The following IRF1 variants were observed in gnomAD, a reference collection of about 807,000 sequenced individuals.
IRF1 encodes interferon regulatory factor 1, also known as interferon regulatory factor-1.
A neutral mutation model predicts 43.7 loss-of-function variants in IRF1; 13 were observed. The observed-to-expected ratio is 0.30, with a 90% CI of 0.19 to 0.47. The LOEUF is 0.47. Ranked by LOEUF, IRF1 falls within the 20% of genes least tolerant of loss-of-function variation. The pLI is 0.99. For synonymous variants in IRF1, 138 were observed against 146.8 expected, an observed-to-expected ratio of 0.94 and a Z score of 0.43; for missense variants, 236 against 408.9, an observed-to-expected ratio of 0.58 and a Z score of 3.65.
At position 132,486,694 on chromosome 5, in the gene IRF1, G is replaced by A; in HGVS notation, c.415-8C>T. 6.2e-7 allele frequency: 1 copy of A among 1,613,842 alleles called. No homozygotes were observed. The highest frequency in any genetic ancestry group is 8.5e-7 in the Non-Finnish European group (1 of 1,179,736). On this transcript the variant is annotated splice_region_variant and splice_polypyrimidine_tract_variant and intron_variant, in intron 5 of 9. Coordinates refer to ENST00000245414, the MANE Select transcript of IRF1 (RefSeq NM_002198.3). ...GCTGGAATCCCCACATGACTGTCGA[G>A]GGAGAAAGCAGCTTAGGCCCAGGCC...
chr5:132,486,125 G>A lies in IRF1; in HGVS notation c.667+126C>T, dbSNP rs545097507. The A allele has an allele frequency of 1.1e-5, 15 of 1,330,826 alleles. No individual in the cohort carries two copies. In the East Asian group the frequency reaches 3.2e-4, roughly 29 times the overall value. 82.4% of individuals were successfully genotyped at this position (1,330,826 alleles called of 1,614,324 possible). A position where few individuals can be genotyped will look rare whatever the true frequency, so the allele number is the denominator to read the frequency against. ...GCTTGCCTCCCCCTATGGTGGCTAA[G>A]ACTGGGCAATGCCCAACTCAATCAA... On this transcript the variant is annotated intron_variant, in intron 7 of 9. Transcript: ENST00000245414.
Position 132,483,888 on chromosome 5 carries a change from C to A in IRF1, c.*63G>T. ...CCCACAGAAGTCCAGCTTCTCTGCA[C>A]CATATCCACCATGATGCCAGGTCCT... On this transcript the variant is annotated 3_prime_UTR_variant, in exon 10 of 10. Transcript: ENST00000245414. 1 of 1,595,478 alleles carries A rather than the reference C, an allele frequency of 6.3e-7. No individual in the cohort carries two copies. Among genetic ancestry groups the A allele is most frequent in the African/African-American group, 1.3e-5 (1 of 74,622 alleles).
chr5:132,489,349 T>C, intron 2 of IRF1, 43 bp downstream of exon 2: 1 of 1,430,542 alleles, frequency 7.0e-7, no homozygotes, highest in Non-Finnish European at 9.9e-7. Flanking sequence ...CAGAAGTACA[T>C]GGGTTAAAAC....
Position 132,483,779 on chromosome 5 carries a change from C to T in IRF1, c.*172G>A, listed in dbSNP as rs1754447619. The T allele has an allele frequency of 1.4e-6, 1 of 732,084 alleles. No individual in the cohort carries two copies. Among genetic ancestry groups the T allele is most frequent in the South Asian group, 2.0e-5 (1 of 51,148 alleles). 45.3% of individuals were successfully genotyped at this position (732,084 alleles called of 1,614,324 possible). A position where few individuals can be genotyped will look rare whatever the true frequency, so the allele number is the denominator to read the frequency against. The stretch of plus-strand genomic sequence containing the variant: ...CCACAAGAAAAACCCAGACACTGGC[C>T]TGCCAGGCCCTGAGAGGTCAATGAC... On this transcript the variant is annotated 3_prime_UTR_variant, in exon 10 of 10. Coordinates refer to ENST00000245414, the MANE Select transcript of IRF1 (RefSeq NM_002198.3).
rs1754436896 is a variant in IRF1 at position 132,483,376 on chromosome 5, C to T, written c.*575G>A. On this transcript the variant is annotated 3_prime_UTR_variant, in exon 10 of 10. Coordinates refer to ENST00000245414, the MANE Select transcript of IRF1 (RefSeq NM_002198.3). ...ACGAAAAAGTGCCAAGTTTTTTTCC[C>T]AAGCCCCTCAGCCAAAGCAGGGAGC... 6.5e-6 allele frequency: 1 copy of T among 152,838 alleles called. No individual in the cohort carries two copies. The highest frequency in any genetic ancestry group is 2.0e-4 in the South Asian group (1 of 4,884). 9.5% of individuals were successfully genotyped at this position (152,838 alleles called of 1,614,324 possible). A position where few individuals can be genotyped will look rare whatever the true frequency, so the allele number is the denominator to read the frequency against.
rs1284656337 is a variant in IRF1 at position 132,490,568 on chromosome 5, G to T, written c.-29C>A. The T allele has an allele frequency of 2.0e-5, 3 of 152,176 alleles. No homozygotes were observed. The highest frequency in any genetic ancestry group is 1.9e-4 in the East Asian group (1 of 5,184). The allele number at this position is 152,176 out of a possible 1,614,324, so 9.4% of individuals were successfully genotyped here. A position where few individuals can be genotyped will look rare whatever the true frequency, so the allele number is the denominator to read the frequency against. On this transcript the variant is annotated 5_prime_UTR_variant, in exon 1 of 10. Transcript: ENST00000245414. This position sits in a 1 kb window ranked among gnomAD's most constrained non-coding sequence, Gnocchi z 5.8. ...ACCTCTGCTGCAGGAGCGATTCGGC[G>T]GTCGCGCGCGAGGGTCCCGGCGACG...
chr5:132,485,545 A>G, intron 8 of IRF1, 122 bp downstream of exon 8: 2 of 827,230 alleles, frequency 2.4e-6, no homozygotes, highest in Non-Finnish European at 4.3e-6. Context: ...CACTTGTGGG[A>G]CAATGCAAGC....
At chr5:132,489,814 C>T (rs1379074694) in intron 1 of IRF1, among the ~76,000 whole-genome samples, 1 of 152,196 alleles carries the variant, frequency 6.6e-6, no homozygotes, top group Non-Finnish European at 1.5e-5. Context: ...GCTCAAAATT[C>T]AAATCCTTTG....
chr5:132,485,725 G>C lies in IRF1; in HGVS notation c.668-9C>G, dbSNP rs1754501803. 6.2e-7 allele frequency: 1 copy of C among 1,609,560 alleles called. No homozygotes were observed. Among genetic ancestry groups the C allele is most frequent in the Non-Finnish European group, 8.5e-7 (1 of 1,177,178 alleles). On this transcript the variant is annotated splice_polypyrimidine_tract_variant and intron_variant, in intron 7 of 9. Transcript: ENST00000245414. ...ATCCTCATCTGTTGTAGCTGTGGATGGGGAAAGCAGAGAGGTTGGCTGGCA... is the reference window on the plus strand; with the variant it reads ...ATCCTCATCTGTTGTAGCTGTGGATCGGGAAAGCAGAGAGGTTGGCTGGCA...
chr5:132,484,374 C>A lies in IRF1; in HGVS notation c.841G>T (p.Asp281Tyr). 1 of 1,614,116 alleles carries A rather than the reference C, an allele frequency of 6.2e-7. No individual in the cohort carries two copies. Among genetic ancestry groups the A allele is most frequent in the South Asian group, 1.1e-5 (1 of 91,070 alleles). Reference protein sequence around the residue: ...DFSCKEEPEIDSPGGDIGLSL... With the variant: ...DFSCKEEPEIYSPGGDIGLSL... The stretch of plus-strand genomic sequence containing the variant: ...AGGGCCTTCTTACCCCCTGGGCTGT[C>A]AATTTCTGGCTCCTCCTTACAGCTA... The change falls in exon 9 of 10, where the codon GAC becomes TAC. Residue 281 changes from aspartate to tyrosine, a missense_variant. Coordinates refer to ENST00000245414, the MANE Select transcript of IRF1 (RefSeq NM_002198.3).
chr5:132,486,432 C>T (rs751734621), intron 6 of IRF1, 59 bp from the exon 7 acceptor site: 14 of 1,609,310 alleles, frequency 8.7e-6, no homozygotes, highest in African/African-American at 2.7e-5. Context: ...TGCAAGACAT[C>T]GAGCGCCCTC....
rs1388450160 is a variant in IRF1 at position 132,487,922 on chromosome 5, A to G, written c.187+4T>C. On this transcript the variant is annotated splice_donor_region_variant and intron_variant, in intron 3 of 9. Coordinates refer to ENST00000245414, the MANE Select transcript of IRF1 (RefSeq NM_002198.3). ...CTTCCTAGGCCTGAGTCCCAGGCAC[A>G]CACCTGTGTGAATGGCCCAGCTCCG... The G allele has an allele frequency of 1.9e-6, 3 of 1,611,328 alleles. No individual in the cohort carries two copies. The Admixed American group carries it at 5.0e-5, about 27-fold the overall frequency.
rs995993760 is a variant in IRF1, at chr5:132,490,748, G to A, written c.-209C>T. The stretch of plus-strand genomic sequence containing the variant: ...TCGGCGGGGCTCGGGCGCACGTCTT[G>A]CCTCGACTAAGGAGTGGCGAGCTCT... On this transcript the variant is annotated 5_prime_UTR_variant, in exon 1 of 10. Coordinates refer to ENST00000245414, the MANE Select transcript of IRF1 (RefSeq NM_002198.3). This position sits in a 1 kb window ranked among gnomAD's most constrained non-coding sequence, Gnocchi z 5.8. The A allele has an allele frequency of 6.6e-6, 1 of 152,262 alleles. No homozygotes were observed. The highest frequency in any genetic ancestry group is 2.4e-5 in the African/African-American group (1 of 41,454). 9.4% of individuals were successfully genotyped at this position (152,262 alleles called of 1,614,324 possible).
rs11242115 is a variant in IRF1, at chr5:132,490,721, G to C, written c.-182C>G. ...CTGGGCACGGCTCCGGGTGGCCTCG[G>C]TTCGGCGGGGCTCGGGCGCACGTCT... is the stretch of plus-strand genomic sequence containing the variant. On this transcript the variant is annotated 5_prime_UTR_variant, in exon 1 of 10. Coordinates refer to ENST00000245414, the MANE Select transcript of IRF1 (RefSeq NM_002198.3). This position sits in a 1 kb window ranked among gnomAD's most constrained non-coding sequence, Gnocchi z 5.8. The C allele has an allele frequency of 0.25, 38,468 of 152,228 alleles. 6,169 individuals carry two copies. Among genetic ancestry groups the C allele is most frequent in the Non-Finnish European group, 0.36 (24,825 of 68,016 alleles). 9.4% of individuals were successfully genotyped at this position (152,228 alleles called of 1,614,324 possible).
At chr5:132,485,765 C>A in intron 7 of IRF1, 49 bp from the exon 8 acceptor site, 1 of 1,468,964 alleles carries the variant, frequency 6.8e-7, no homozygotes. Flanking sequence ...GCCACACTCA[C>A]CCTGCAGTTC....
At chr5:132,487,892 C>G in intron 3 of IRF1, 34 bp downstream of exon 3, 1 of 1,513,532 alleles carries the variant, frequency 6.6e-7, no homozygotes, top group Non-Finnish European at 9.2e-7. Flanking sequence ...TGTCTCTACC[C>G]TGGGCTTCCT....
In IRF1 at chr5:132,490,027, T is replaced by C. The variant is rs920340756; in HGVS notation, c.-6+518A>G. 2 of 156,438 alleles carry C rather than the reference T, an allele frequency of 1.3e-5. No homozygotes were observed. Among genetic ancestry groups the C allele is most frequent in the African/African-American group, 4.8e-5 (2 of 41,418 alleles). The allele number at this position is 156,438 out of a possible 1,614,324, so 9.7% of individuals were successfully genotyped here. On this transcript the variant is annotated intron_variant, in intron 1 of 9. Coordinates refer to ENST00000245414, the MANE Select transcript of IRF1 (RefSeq NM_002198.3). The surrounding 1 kb of genome is among the most constrained non-coding windows in gnomAD (Gnocchi z 5.8). ...CCTTCCGGCCCGGTTTCCCCTCCTC[T>C]GGAGAAGTGGCCCAAGGAACACCTG...
chr5:132,487,374 A>G (rs1348811377), intron 3 of IRF1: 2 of 538,220 alleles, frequency 3.7e-6, no homozygotes, highest in Non-Finnish European at 6.7e-6. Context: ...CAGAAGCACT[A>G]GAGTCCCCAT....
chr5:132,488,301 C>T, intron 2 of IRF1: 2 of 358,002 alleles, frequency 5.6e-6, no homozygotes, highest in Non-Finnish European at 1.1e-5. Flanking sequence ...AGGACCCACA[C>T]AGGGCACCCT....
Sources: gnomAD v4.1 joint callset for allele counts (sites outside exome capture counted in the v4.1 genomes callset) on GRCh38, gnomAD v4.1.1 for gene constraint, Gnocchi (gnomAD v3.1) non-coding constraint, MANE v1.5 for transcripts, NCBI Gene and HGNC (gene_info 2026-07-23, HGNC 2026-07-21) for gene names.